Variants in CYTH4 observed in about 807,000 individuals in gnomAD.
The protein encoded by CYTH4 is cytohesin-4.
A neutral mutation model predicts 57.5 loss-of-function variants in CYTH4; 22 were observed. That is an observed-to-expected ratio of 0.38 (90% CI 0.27 to 0.55). The LOEUF (loss-of-function observed/expected upper bound fraction) is 0.55. Ranked by LOEUF, CYTH4 falls within the 20% of genes least tolerant of loss-of-function variation. The probability of loss-of-function intolerance (pLI) is 0.74; values close to 1 mark genes in which losing one functional copy is unlikely to be tolerated. For missense variants in CYTH4, 420 were observed against 535.6 expected (o/e 0.78, Z 2.13); for synonymous variants, 186 against 206.5 (o/e 0.90, Z 0.85).
At chr22:37,299,203 CT>C in intron 5 of CYTH4, 22 bp from the exon 6 acceptor site, 1 of 1,539,368 alleles carries the variant, frequency 6.5e-7, no homozygotes, top group Non-Finnish European at 9.0e-7. Context: ...GTGTCCCACC[CT>C]CCCTTCCGCC....
intron 1 of CYTH4, among the ~76,000 whole-genome samples, chr22:37,284,915 A>G (rs1308031155): frequency 6.8e-6 from 1 of 147,070 alleles, no homozygotes; most frequent in African/African-American, 2.5e-5. Context: ...CAGGCAGCGC[A>G]GTTAAAAATA....
intron 8 of CYTH4, among the ~76,000 whole-genome samples, chr22:37,307,432 A>T (rs1426662166): frequency 6.6e-6 from 1 of 151,996 alleles, no homozygotes; most frequent in Non-Finnish European, 1.5e-5. Flanking sequence ...AGCCAGTGCC[A>T]CCTGGGAATT....
rs773060533 is a variant in CYTH4, at chr22:37,297,544, C to T, written c.235-20C>T. On this transcript the variant is annotated intron_variant, in intron 4 of 12. Coordinates refer to ENST00000248901, the MANE Select transcript of CYTH4 (RefSeq NM_013385.5). ...GCTTCCATGCAGCAGCTGCTCACGGCTTCTGTGTACCCCCTCCAGGGTATC... is the reference window on the plus strand; with the variant it reads ...GCTTCCATGCAGCAGCTGCTCACGGTTTCTGTGTACCCCCTCCAGGGTATC... 151 of 1,608,946 alleles carry T rather than the reference C, an allele frequency of 9.4e-5. No individual in the cohort carries two copies. Among genetic ancestry groups the T allele is most frequent in the Non-Finnish European group, 1.2e-4 (143 of 1,176,102 alleles).
intron 2 of CYTH4, among the ~76,000 whole-genome samples, 175 bp downstream of exon 2, chr22:37,292,878 G>T (rs568902363): frequency 6.6e-6 from 1 of 152,126 alleles, no homozygotes; most frequent in Non-Finnish European, 1.5e-5. Context: ...CAGACACCCC[G>T]AGACCCAGGG....
At chr22:37,287,420 T>C (rs940212465) in intron 1 of CYTH4, among the ~76,000 whole-genome samples, 1 of 152,192 alleles carries the variant, frequency 6.6e-6, no homozygotes, top group East Asian at 1.9e-4. Flanking sequence ...AGGTGCGCCC[T>C]GGGCAGAAAC....
At chr22:37,308,692 A>G (rs549086576) in intron 8 of CYTH4, among the ~76,000 whole-genome samples, 1 of 147,990 alleles carries the variant, frequency 6.8e-6, no homozygotes. Context: ...GTAAGTATGC[A>G]TGTATGTGTG....
chr22:37,303,393 C>T lies in CYTH4; in HGVS notation c.687C>T (p.Asp229=), dbSNP rs534559418. The part of the protein sequence containing the change: ...GINNGSDLPE[D]QLRNLFDSIK... ...ACAATGGTAGCGACCTGCCCGAGGA[C>T]CAGCTGCGGGTGAGAGAGGCGCAGC... The change falls in exon 8 of 13, where the codon GAC becomes GAT. Residue 229 remains aspartate, a synonymous_variant. Coordinates refer to ENST00000248901, the MANE Select transcript of CYTH4 (RefSeq NM_013385.5). 1 of 1,613,450 alleles carries T rather than the reference C, an allele frequency of 6.2e-7. No homozygotes were observed. The highest frequency in any genetic ancestry group is 1.3e-5 in the African/African-American group (1 of 75,020).
At chr22:37,299,196 T>TG in intron 5 of CYTH4, 30 bp from the exon 6 acceptor site, 21 of 1,557,260 alleles carry the variant, frequency 1.3e-5, no homozygotes, top group Non-Finnish European at 1.8e-5. Context: ...TCCAAGTGTG[T>TG]CCCACCCTCC....
In CYTH4 at chr22:37,314,990, A is replaced by T. The variant is rs1929806685; in HGVS notation, c.*1479A>T. 6.6e-6 allele frequency: 1 copy of T among 152,298 alleles called. No individual in the cohort carries two copies. Among genetic ancestry groups the T allele is most frequent in the African/African-American group, 2.4e-5 (1 of 41,436 alleles). The allele number at this position is 152,298 out of a possible 1,614,324, so 9.4% of individuals were successfully genotyped here. On this transcript the variant is annotated 3_prime_UTR_variant, in exon 13 of 13. Coordinates refer to ENST00000248901, the MANE Select transcript of CYTH4 (RefSeq NM_013385.5). ...TCTCTGGAGGTCTGCAAGCACTGGT[A>T]GTGATATTGCAGCAGACAAGGTCTG...
intron 1 of CYTH4, 43 bp downstream of exon 1, chr22:37,282,631 C>G (rs779237368): frequency 1.3e-6 from 2 of 1,550,352 alleles, no homozygotes; most frequent in African/African-American, 1.4e-5. Context: ...AGGGTGCTCT[C>G]TTTTAGAATG....
chr22:37,300,734 C>T (rs897180149), intron 6 of CYTH4, 173 bp from the exon 7 acceptor site: 8 of 610,560 alleles, frequency 1.3e-5, no homozygotes, highest in African/African-American at 5.6e-5. Flanking sequence ...GGCTACCTCC[C>T]GCGTGCTTGG....
intron 6 of CYTH4, among the ~76,000 whole-genome samples, chr22:37,299,847 C>A (rs1274134987): frequency 6.6e-6 from 1 of 152,094 alleles, no homozygotes; most frequent in Non-Finnish European, 1.5e-5. Context: ...AAAAATTAGC[C>A]GGGCGTGGTG....
chr22:37,310,853 G>A (rs933601738), intron 9 of CYTH4, 135 bp from the exon 10 acceptor site: 3 of 778,132 alleles, frequency 3.9e-6, no homozygotes, highest in Non-Finnish European at 6.5e-6. Flanking sequence ...ATGTTGGGGG[G>A]AGGTGTGGTG....
chr22:37,298,399 CAAAG>C lies in CYTH4; in HGVS notation c.353+727_353+730del. 6.2e-6 allele frequency: 1 copy of C among 161,792 alleles called. No individual in the cohort carries two copies. Among genetic ancestry groups the C allele is most frequent in the South Asian group, 1.5e-4 (1 of 6,768 alleles). 10.0% of individuals were successfully genotyped at this position (161,792 alleles called of 1,614,324 possible). A position where few individuals can be genotyped will look rare whatever the true frequency, so the allele number is the denominator to read the frequency against. On this transcript the variant is annotated intron_variant, in intron 5 of 12. Coordinates refer to ENST00000248901, the MANE Select transcript of CYTH4 (RefSeq NM_013385.5). The surrounding 1 kb of genome is among the most constrained non-coding windows in gnomAD (Gnocchi z 4.1). ...AAAAAAAAAAGAAAAGAAAAGAAAA[CAAAG>C]AAAGAAAGACATGCTGGGGACCATA...
intron 1 of CYTH4, among the ~76,000 whole-genome samples, chr22:37,283,516 A>G (rs1345674979): frequency 1.3e-5 from 2 of 151,966 alleles, no homozygotes; most frequent in East Asian, 3.9e-4. Context: ...CTTCAAACGC[A>G]CCTAATGTGG....
At position 37,285,094 on chromosome 22, in the gene CYTH4, A is replaced by G. The variant is rs557662724; in HGVS notation, c.19+2506A>G. Among the ~76,000 whole-genome samples the G allele has an allele frequency of 8.9e-4, 135 of 152,268 alleles. 1 individual carries two copies. The highest frequency in any genetic ancestry group is 3.4e-3 in the Middle Eastern group (1 of 294). ...GGGCCTCTTTATTTAGGGCCCTGAG[A>G]TGGCATCCTCCTCCTGCCCTGGAAA... On this transcript the variant is annotated intron_variant, in intron 1 of 12. Coordinates refer to ENST00000248901, the MANE Select transcript of CYTH4 (RefSeq NM_013385.5).
intron 1 of CYTH4, among the ~76,000 whole-genome samples, chr22:37,283,952 G>T (rs866316697): frequency 1.3e-5 from 2 of 152,160 alleles, no homozygotes; most frequent in Non-Finnish European, 2.9e-5. Context: ...GTCCTTTCGG[G>T]TCCTAACATA....
At chr22:37,296,205 C>G (rs1268562749) in intron 4 of CYTH4, 140 bp downstream of exon 4, 23 of 902,696 alleles carry the variant, frequency 2.5e-5, no homozygotes, top group Non-Finnish European at 3.8e-5. Context: ...AGCATCTTGT[C>G]CAGTGCCCCA....
chr22:37,290,050 C>T (rs918147316), intron 1 of CYTH4, among the ~76,000 whole-genome samples: 1 of 152,150 alleles, frequency 6.6e-6, no homozygotes, highest in African/African-American at 2.4e-5. Context: ...CTACAATGAT[C>T]CTGACCCCAT....
Sources: allele counts gnomAD v4.1 joint callset (sites outside exome capture counted in the v4.1 genomes callset), GRCh38; gene constraint gnomAD v4.1.1; non-coding constraint Gnocchi (gnomAD v3.1); transcripts MANE v1.5; gene names NCBI Gene and HGNC (gene_info 2026-07-23, HGNC 2026-07-21).